Variants in KCNIP4 observed in about 807,000 individuals in gnomAD.
The protein encoded by KCNIP4 is potassium voltage-gated channel interacting protein 4, also known as Kv channel-interacting protein 4.
Under a neutral mutation model 34.0 loss-of-function variants are expected in KCNIP4, and 12 were observed. That is an observed-to-expected ratio of 0.35 (90% CI 0.23 to 0.57). The LOEUF (loss-of-function observed/expected upper bound fraction) is 0.57, where lower values mean the gene tolerates loss of function less well. Ranked by LOEUF, KCNIP4 falls within the 20% of genes least tolerant of loss-of-function variation. KCNIP4 has a pLI of 0.83. For missense variants in KCNIP4, 238 were observed against 311.7 expected, an observed-to-expected ratio of 0.76 and a Z score of 1.78; for synonymous variants, 124 against 102.2, an observed-to-expected ratio of 1.21 and a Z score of -1.29.
chr4:21,656,549 T>C (rs1008538002), intron 1 of KCNIP4: 1 of 152,192 alleles, frequency 6.6e-6, no homozygotes, highest in Non-Finnish European at 1.5e-5. Context: ...TTTTTGAAAG[T>C]GGTGACAGGC....
intron 1 of KCNIP4, among the ~76,000 whole-genome samples, chr4:21,001,325 A>T (rs1328959581): frequency 1.3e-5 from 2 of 152,222 alleles, no homozygotes; most frequent in African/African-American, 4.8e-5. Flanking sequence ...AGAAACTGAA[A>T]ATGTAATAAG....
intron 4 of KCNIP4, among the ~76,000 whole-genome samples, chr4:20,755,004 AG>A (rs1754261444): frequency 6.6e-6 from 1 of 152,184 alleles, no homozygotes. Context: ...GAAAAACATG[AG>A]GTAGTTAATT....
At chr4:20,987,766 G>A (rs1406473359) in intron 1 of KCNIP4, among the ~76,000 whole-genome samples, 1 of 151,768 alleles carries the variant, frequency 6.6e-6, no homozygotes, top group Non-Finnish European at 1.5e-5. Flanking sequence ...TTGGGAGGCC[G>A]AGGCAGGCGG....
At chr4:21,464,069 C>T (rs1729706462) in intron 1 of KCNIP4, among the ~76,000 whole-genome samples, 1 of 151,928 alleles carries the variant, frequency 6.6e-6, no homozygotes, top group South Asian at 2.1e-4. Context: ...TCTCCACTCC[C>T]ATTTTTGATT....
chr4:20,839,360 A>G (rs1388323), intron 3 of KCNIP4, among the ~76,000 whole-genome samples: 45,204 of 151,560 alleles, frequency 0.3, 8,373 homozygotes, highest in Non-Finnish European at 0.41. Context: ...TTCAAAAAGC[A>G]AATATCTACC....
At chr4:21,353,100 A>G (rs1466504312) in intron 1 of KCNIP4, among the ~76,000 whole-genome samples, 3 of 152,214 alleles carry the variant, frequency 2.0e-5, no homozygotes, top group Non-Finnish European at 4.4e-5. Context: ...GAATAGCATC[A>G]ACATCAACAA....
intron 1 of KCNIP4, among the ~76,000 whole-genome samples, chr4:21,474,982 A>G (rs1730814915): frequency 6.7e-6 from 1 of 149,160 alleles, no homozygotes; most frequent in African/African-American, 2.5e-5. Context: ...GCCTGGACAA[A>G]AGAATGAGAC....
intron 1 of KCNIP4, among the ~76,000 whole-genome samples, chr4:21,670,494 C>T (rs1267219197): frequency 2.6e-5 from 4 of 151,372 alleles, no homozygotes; most frequent in Non-Finnish European, 5.9e-5. Context: ...GTGAGTGCAG[C>T]GCACCAGCAT....
chr4:21,861,867 A>T (rs2109352047), intron 1 of KCNIP4, among the ~76,000 whole-genome samples: 1 of 152,192 alleles, frequency 6.6e-6, no homozygotes, highest in South Asian at 2.1e-4. Context: ...AAGTCTTTAT[A>T]ACTTATCTCA....
chr4:20,940,268 T>G (rs892095878), intron 1 of KCNIP4, among the ~76,000 whole-genome samples: 2 of 152,226 alleles, frequency 1.3e-5, no homozygotes, highest in Non-Finnish European at 2.9e-5. Context: ...CGTTCTAAAA[T>G]GAGTAATTAT....
chr4:21,430,975 C>A (rs1364899521), intron 1 of KCNIP4, among the ~76,000 whole-genome samples: 1 of 150,582 alleles, frequency 6.6e-6, no homozygotes, highest in African/African-American at 2.4e-5. Context: ...AAACTTCAAA[C>A]AAAACATCAA....
At chr4:21,113,380 T>C (rs888858412) in intron 1 of KCNIP4, among the ~76,000 whole-genome samples, 1 of 150,308 alleles carries the variant, frequency 6.7e-6, no homozygotes, top group African/African-American at 2.5e-5. Flanking sequence ...CTGTCACTTC[T>C]GAGTTGATTT....
intron 1 of KCNIP4, among the ~76,000 whole-genome samples, chr4:21,835,176 G>A (rs577758040): frequency 3.3e-5 from 5 of 151,956 alleles, no homozygotes; most frequent in Admixed American, 1.3e-4. Context: ...TTAAAAACAC[G>A]ACACAAAATG....
chr4:21,785,421 C>T (rs1577985442), intron 1 of KCNIP4, among the ~76,000 whole-genome samples: 2 of 151,670 alleles, frequency 1.3e-5, no homozygotes, highest in African/African-American at 2.4e-5. Context: ...TGAAACCCTG[C>T]CTCTACTAAA....
intron 1 of KCNIP4, among the ~76,000 whole-genome samples, chr4:21,654,016 T>C (rs907872803): frequency 1.2e-4 from 19 of 152,208 alleles, no homozygotes; most frequent in Non-Finnish European, 2.5e-4. Flanking sequence ...CAAACAAATC[T>C]CTTATTTGCC....
intron 1 of KCNIP4, among the ~76,000 whole-genome samples, chr4:21,753,038 T>C (rs1446075791): frequency 2.0e-5 from 3 of 152,176 alleles, no homozygotes; most frequent in African/African-American, 7.2e-5. Flanking sequence ...CTGGGGGCAC[T>C]TGGAAGCTCA....
At chr4:21,074,737 C>A (rs1745318720) in intron 1 of KCNIP4, among the ~76,000 whole-genome samples, 1 of 152,102 alleles carries the variant, frequency 6.6e-6, no homozygotes, top group Non-Finnish European at 1.5e-5. Flanking sequence ...GTTAGGGTGT[C>A]AATTTTGGAT....
intron 1 of KCNIP4, among the ~76,000 whole-genome samples, chr4:21,166,713 C>T (rs768008884): frequency 2.0e-4 from 30 of 151,882 alleles, no homozygotes; most frequent in East Asian, 3.9e-4. Context: ...CCAAGGCGGG[C>T]GGATCACTTG....
At chr4:21,597,419 C>A (rs1439784571) in intron 1 of KCNIP4, among the ~76,000 whole-genome samples, 1 of 152,024 alleles carries the variant, frequency 6.6e-6, no homozygotes, top group Admixed American at 6.6e-5. Flanking sequence ...ATGTCTTTAT[C>A]AGCAGTGTGA....
Sources: gnomAD v4.1 joint callset for allele counts (sites outside exome capture counted in the v4.1 genomes callset) on GRCh38, gnomAD v4.1.1 for gene constraint, MANE v1.5 for transcripts, NCBI Gene and HGNC (gene_info 2026-07-23, HGNC 2026-07-21) for gene names.